The following RBMS3 variants were observed in gnomAD, a reference collection of about 807,000 sequenced individuals.
The protein encoded by RBMS3 is RNA binding motif single stranded interacting protein 3.
A neutral mutation model predicts 66.8 loss-of-function variants in RBMS3; 27 were observed. The observed-to-expected ratio is 0.40, with a 90% confidence interval of 0.30 to 0.56. The LOEUF (loss-of-function observed/expected upper bound fraction) is 0.56, where lower values mean the gene tolerates loss of function less well. RBMS3 is among the 20% of genes least tolerant of loss of function. The pLI is 0.40. For missense variants in RBMS3, 513 were observed against 549.5 expected, an observed-to-expected ratio of 0.93 and a Z score of 0.66; for synonymous variants, 188 against 183.0, an observed-to-expected ratio of 1.03 and a Z score of -0.22.
chr3:29,821,563 T>G (rs967530945), intron 6 of RBMS3, among the ~76,000 whole-genome samples: 2 of 152,166 alleles, frequency 1.3e-5, no homozygotes, highest in African/African-American at 4.8e-5. Context: ...TTCCACTAAC[T>G]CATGTTTTTG....
At chr3:29,864,268 A>T (rs1456143477) in intron 6 of RBMS3, among the ~76,000 whole-genome samples, 1 of 152,198 alleles carries the variant, frequency 6.6e-6, no homozygotes, top group Non-Finnish European at 1.5e-5. Context: ...ATGATCAGAA[A>T]CAACAGCAAA....
intron 6 of RBMS3, among the ~76,000 whole-genome samples, chr3:29,846,423 A>G (rs2058779019): frequency 6.6e-6 from 1 of 152,104 alleles, no homozygotes; most frequent in Non-Finnish European, 1.5e-5. Context: ...AAGGCTGGGG[A>G]AAGAATGGGC....
chr3:29,843,962 A>G (rs1172395534), intron 6 of RBMS3, among the ~76,000 whole-genome samples: 1 of 152,148 alleles, frequency 6.6e-6, no homozygotes, highest in Non-Finnish European at 1.5e-5. Context: ...AAAGAAAAAA[A>G]AAAAAAGGTT....
chr3:29,453,398 G>A (rs1205302871), intron 2 of RBMS3, among the ~76,000 whole-genome samples: 3 of 152,158 alleles, frequency 2.0e-5, no homozygotes, highest in Non-Finnish European at 4.4e-5. Context: ...TTCAGACCTG[G>A]TGCCAGCCTA....
intron 3 of RBMS3, among the ~76,000 whole-genome samples, chr3:29,556,602 C>CA (rs71769481): frequency 1.9e-4 from 28 of 149,164 alleles, no homozygotes; most frequent in African/African-American, 5.2e-4. Flanking sequence ...GACTCCGTCT[C>CA]AAAAAAAAAA....
At chr3:29,395,966 G>T (rs536958300) in intron 1 of RBMS3, among the ~76,000 whole-genome samples, 1 of 152,290 alleles carries the variant, frequency 6.6e-6, no homozygotes, top group Non-Finnish European at 1.5e-5. Context: ...TGAGGAGCAA[G>T]ATATTTGCAT....
intron 10 of RBMS3, among the ~76,000 whole-genome samples, chr3:29,903,832 T>A (rs1437307135): frequency 6.6e-6 from 1 of 151,946 alleles, no homozygotes; most frequent in Non-Finnish European, 1.5e-5. Flanking sequence ...ACATGATTTG[T>A]TGCCATGGCA....
chr3:29,497,059 G>C (rs2043779865), intron 3 of RBMS3, among the ~76,000 whole-genome samples: 1 of 151,166 alleles, frequency 6.6e-6, no homozygotes, highest in South Asian at 2.1e-4. Context: ...GTCTCACTCT[G>C]TCACCCAGGC....
chr3:29,992,132 G>T (rs1010486679), intron 14 of RBMS3, among the ~76,000 whole-genome samples: 1 of 152,106 alleles, frequency 6.6e-6, no homozygotes, highest in African/African-American at 2.4e-5. Flanking sequence ...GATGAATAGA[G>T]AATCCCCCGA....
chr3:29,454,930 G>GT lies in RBMS3; in HGVS notation c.248+20021dup, dbSNP rs1188584381. Among the ~76,000 whole-genome samples the GT allele has an allele frequency of 3.9e-5, 6 of 152,088 alleles. No homozygotes were observed. The South Asian group carries it at 1.2e-3, about 32-fold the overall frequency. On this transcript the variant is annotated intron_variant, in intron 2 of 14. Transcript: ENST00000383767. ...TAATTTTATAATATTAGATCTGAGT[G>GT]TTTTTTAAAATGTAGCTATGCATTT...
chr3:29,755,338 T>G (rs1231396523), intron 5 of RBMS3, among the ~76,000 whole-genome samples: 2 of 152,194 alleles, frequency 1.3e-5, no homozygotes, highest in Non-Finnish European at 2.9e-5. Context: ...TAAGGCAAAC[T>G]TTATCTCTTA....
At chr3:29,809,771 A>G (rs892225566) in intron 6 of RBMS3, among the ~76,000 whole-genome samples, 2 of 152,032 alleles carry the variant, frequency 1.3e-5, no homozygotes, top group African/African-American at 2.4e-5. Flanking sequence ...GTACAGACTG[A>G]TATTTCCTGT....
Position 29,302,138 on chromosome 3 carries a change from T to C in RBMS3, c.75+20382T>C, listed in dbSNP as rs150808134. Among the ~76,000 whole-genome samples the C allele has an allele frequency of 8.5e-3, 1,292 of 152,078 alleles. 27 individuals are homozygous for C. The highest frequency in any genetic ancestry group is 0.029 in the African/African-American group (1,221 of 41,522). On this transcript the variant is annotated intron_variant, in intron 1 of 14. Transcript: ENST00000383767. ...GATCTTCCTGCCTCAACCTCCCGAA[T>C]AGCTGGGACTACAGGTGCATGCCAC...
intron 1 of RBMS3, among the ~76,000 whole-genome samples, chr3:29,431,636 G>T (rs900608632): frequency 6.6e-6 from 1 of 152,110 alleles, no homozygotes; most frequent in East Asian, 1.9e-4. Context: ...TCTGGGTTTT[G>T]CTCCTGTCAT....
intron 1 of RBMS3, among the ~76,000 whole-genome samples, chr3:29,334,993 A>T (rs1475670617): frequency 1.3e-5 from 2 of 152,182 alleles, no homozygotes; most frequent in South Asian, 2.1e-4. Flanking sequence ...GATGACAAAT[A>T]CTCTTTTTGT....
intron 10 of RBMS3, among the ~76,000 whole-genome samples, chr3:29,920,984 C>T (rs552342646): frequency 9.9e-5 from 15 of 152,018 alleles, no homozygotes; most frequent in South Asian, 2.1e-4. Context: ...GGTCTTATAC[C>T]GAGGCCATTG....
intron 2 of RBMS3, among the ~76,000 whole-genome samples, chr3:29,452,877 C>A (rs1350635125): frequency 1.3e-5 from 2 of 152,250 alleles, no homozygotes; most frequent in Non-Finnish European, 2.9e-5. Context: ...TAAGAGGTCA[C>A]TAAAATTGCA....
intron 2 of RBMS3, among the ~76,000 whole-genome samples, chr3:29,472,704 G>A (rs1267388727): frequency 6.6e-6 from 1 of 151,694 alleles, no homozygotes; most frequent in Non-Finnish European, 1.5e-5. Flanking sequence ...CTCCCAGTGG[G>A]TTCGTGGTCT....
chr3:29,938,335 TA>T (rs2061315805), intron 11 of RBMS3, among the ~76,000 whole-genome samples: 1 of 151,858 alleles, frequency 6.6e-6, no homozygotes, highest in African/African-American at 2.4e-5. Flanking sequence ...TCTTAGAGAG[TA>T]AAAGTTTTAA....
Sources: gnomAD v4.1 joint callset for allele counts (sites outside exome capture counted in the v4.1 genomes callset) on GRCh38, gnomAD v4.1.1 for gene constraint, MANE v1.5 for transcripts, NCBI Gene and HGNC (gene_info 2026-07-23, HGNC 2026-07-21) for gene names.